Variants in PHAF1 observed in about 807,000 individuals in gnomAD.
PHAF1 encodes the protein phagophore assembly factor 1.
Under a neutral mutation model 63.1 loss-of-function variants are expected in PHAF1, and 23 were observed. The observed-to-expected ratio is 0.36, with a 90% CI of 0.26 to 0.52. PHAF1 has a LOEUF of 0.52. Among genes scored for constraint, PHAF1 ranks in the 20% least tolerant of loss-of-function variants. PHAF1 has a pLI of 0.93. For synonymous variants in PHAF1, 167 were observed against 185.0 expected (o/e 0.90, Z 0.79); for missense variants, 427 against 517.2 (o/e 0.83, Z 1.69).
intron 10 of PHAF1, 127 bp from the exon 11 acceptor site, chr16:67,144,167 A>G: frequency 1.5e-6 from 1 of 655,658 alleles, no homozygotes; most frequent in South Asian, 1.8e-5. Context: ...TCTGGAAGAA[A>G]GGTGATGCCT....
intron 6 of PHAF1, 92 bp downstream of exon 6, chr16:67,133,003 T>G: frequency 2.9e-6 from 3 of 1,025,042 alleles, no homozygotes; most frequent in Non-Finnish European, 4.4e-6. Flanking sequence ...GGAGTGGGTA[T>G]TAGATAGGCA....
intron 2 of PHAF1, among the ~76,000 whole-genome samples, chr16:67,123,608 T>C (rs1464653616): frequency 6.6e-6 from 1 of 152,046 alleles, no homozygotes; most frequent in South Asian, 2.1e-4. Flanking sequence ...GGTCTCATTA[T>C]ATTTGCCCAG....
At chr16:67,138,463 G>T (rs1963686817) in intron 8 of PHAF1, among the ~76,000 whole-genome samples, 1 of 151,736 alleles carries the variant, frequency 6.6e-6, no homozygotes, top group Non-Finnish European at 1.5e-5. Flanking sequence ...GATGGTGTCA[G>T]TGATTATCAT....
chr16:67,119,787 G>A (rs747825125), intron 1 of PHAF1, among the ~76,000 whole-genome samples: 10 of 150,248 alleles, frequency 6.7e-5, no homozygotes, highest in Admixed American at 5.3e-4. Context: ...CTTGGCCTCC[G>A]AAAGTGCTGG....
rs1489100827 is a variant in PHAF1, at chr16:67,139,966, C to G, written c.662-18C>G. On this transcript the variant is annotated intron_variant, in intron 8 of 15. Coordinates refer to ENST00000219139, the MANE Select transcript of PHAF1 (RefSeq NM_025187.5). The stretch of plus-strand genomic sequence containing the variant: ...TCCTAACCATAACCTGACAACCTCT[C>G]TGTCTTGTTTTTTGCAGGTTGTGGA... The G allele has an allele frequency of 3.7e-6, 6 of 1,614,028 alleles. No individual in the cohort carries two copies. In the South Asian group the frequency reaches 6.6e-5, roughly 18 times the overall value.
At chr16:67,114,633 T>G (rs1429665656) in intron 1 of PHAF1, among the ~76,000 whole-genome samples, 2 of 151,812 alleles carry the variant, frequency 1.3e-5, no homozygotes, top group Non-Finnish European at 2.9e-5. Flanking sequence ...TTTGGTATTA[T>G]AATTAGAGCA....
At chr16:67,128,877 C>T (rs1963288337) in intron 3 of PHAF1, among the ~76,000 whole-genome samples, 2 of 152,208 alleles carry the variant, frequency 1.3e-5, no homozygotes, top group South Asian at 4.1e-4. Flanking sequence ...GTCGAAGCAC[C>T]TATATGTGTT....
intron 2 of PHAF1, among the ~76,000 whole-genome samples, chr16:67,121,260 G>A (rs1437918288): frequency 6.7e-6 from 1 of 150,192 alleles, no homozygotes; most frequent in African/African-American, 2.5e-5. Context: ...CACAATCTCG[G>A]CTCACTGCAG....
chr16:67,134,178 C>T lies in PHAF1; in HGVS notation c.461C>T (p.Ala154Val). The T allele has an allele frequency of 6.2e-7, 1 of 1,613,790 alleles. No individual in the cohort carries two copies. Among genetic ancestry groups the T allele is most frequent in the Non-Finnish European group, 8.5e-7 (1 of 1,179,782 alleles). The change falls in exon 7 of 16, where the codon GCC becomes GTC. Residue 154 changes from alanine (A) to valine (V), a missense_variant. Coordinates refer to ENST00000219139, the MANE Select transcript of PHAF1 (RefSeq NM_025187.5). ...GACCTTTGTTTGCAGCCCAATTTTG[C>T]CCATGGCCTGGCTTCTCTCCAGATA... ...TEAPKYEPNF[A>V]HGLASLQIPH... is the part of the protein sequence containing the mutation.
chr16:67,142,208 G>A (rs1963839274), intron 10 of PHAF1, among the ~76,000 whole-genome samples: 1 of 152,230 alleles, frequency 6.6e-6, no homozygotes, highest in South Asian at 2.1e-4. Flanking sequence ...GAGTCCTGAA[G>A]TGGGTAGCTT....
At chr16:67,146,420 T>C (rs911478296) in intron 15 of PHAF1, 70 bp downstream of exon 15, 7 of 1,487,610 alleles carry the variant, frequency 4.7e-6, no homozygotes, top group Non-Finnish European at 4.7e-6. Context: ...AGGTGAATGA[T>C]GGAGGGAAAT....
chr16:67,140,198 C>T, intron 9 of PHAF1, 81 bp downstream of exon 9: 2 of 1,488,446 alleles, frequency 1.3e-6, no homozygotes, highest in South Asian at 1.2e-5. Context: ...TTGCTATTTT[C>T]CCATAGAACT....
intron 1 of PHAF1, among the ~76,000 whole-genome samples, chr16:67,112,423 C>G (rs983889519): frequency 2.2e-5 from 3 of 138,770 alleles, no homozygotes; most frequent in African/African-American, 7.8e-5. Context: ...GTAGTCTTAA[C>G]TACTCGGGAG....
chr16:67,140,416 A>C (rs1963764743), intron 9 of PHAF1, 95 bp from the exon 10 acceptor site: 1 of 1,129,646 alleles, frequency 8.9e-7, no homozygotes. Context: ...TCCGCAGCTT[A>C]ATGTTACACA....
chr16:67,143,900 C>T (rs1451517077), intron 10 of PHAF1, among the ~76,000 whole-genome samples: 1 of 151,742 alleles, frequency 6.6e-6, no homozygotes, highest in Non-Finnish European at 1.5e-5. Context: ...ACCAGGCTGG[C>T]CAACATGGTG....
In PHAF1 at chr16:67,147,109, T is replaced by G. The variant is rs991045600; in HGVS notation, c.1247T>G (p.Leu416Arg). 6.2e-6 allele frequency: 10 copies of G among 1,613,568 alleles called. No homozygotes were observed. The highest frequency in any genetic ancestry group is 2.2e-5 in the East Asian group (1 of 44,884). The stretch of plus-strand genomic sequence containing the variant: ...GGCCCCCCCAGGCCTGGTAGCCACC[T>G]GAGAACAGCGGAACTCCCCTAGGGA... ...LYGPPRPGSH[L>R]RTAELP The change falls in exon 16 of 16, where the codon CTG becomes CGG. Residue 416 changes from leucine (L) to arginine (R), a missense_variant. Leu to Arg is a moderately radical substitution (Grantham distance 102). Transcript: ENST00000219139.
At chr16:67,118,163 T>C (rs531623344) in intron 1 of PHAF1, among the ~76,000 whole-genome samples, 28 of 141,552 alleles carry the variant, frequency 2.0e-4, no homozygotes, top group Middle Eastern at 7.4e-3. Flanking sequence ...TTAGTAGAGA[T>C]GGGCTTTCAC....
chr16:67,135,065 T>G (rs1963559735), intron 8 of PHAF1: 4 of 202,208 alleles, frequency 2.0e-5, no homozygotes, highest in Admixed American at 1.1e-4. Context: ...TGTGTGCTTA[T>G]ATAGCTTTGT....
chr16:67,119,200 A>G (rs1416029882), intron 1 of PHAF1, among the ~76,000 whole-genome samples: 1 of 152,250 alleles, frequency 6.6e-6, no homozygotes, highest in Non-Finnish European at 1.5e-5. Flanking sequence ...TATCTAAGCC[A>G]TGGCAGAGTG....
Sources: gnomAD v4.1 joint callset for allele counts (sites outside exome capture counted in the v4.1 genomes callset) on GRCh38, gnomAD v4.1.1 for gene constraint, MANE v1.5 for transcripts, NCBI Gene and HGNC (gene_info 2026-07-23, HGNC 2026-07-21) for gene names.